Variants in KCNN3 observed in about 807,000 individuals in gnomAD.
KCNN3 encodes small conductance calcium-activated potassium channel protein 3.
A neutral mutation model predicts 62.9 loss-of-function variants in KCNN3; 16 were observed. That is an observed-to-expected ratio of 0.25 (90% confidence interval 0.17 to 0.39). The LOEUF is 0.39. Among genes scored for constraint, KCNN3 ranks in the 10% least tolerant of loss-of-function variants. KCNN3 has a pLI of 1.00. For synonymous variants in KCNN3, 370 were observed against 389.2 expected, an observed-to-expected ratio of 0.95 and a Z score of 0.58; for missense variants, 599 against 949.4, an observed-to-expected ratio of 0.63 and a Z score of 4.85.
chr1:154,711,515 A>T (rs1201727749), intron 7 of KCNN3, among the ~76,000 whole-genome samples: 1 of 152,008 alleles, frequency 6.6e-6, no homozygotes, highest in Non-Finnish European at 1.5e-5. Context: ...TAAAAAAAAA[A>T]AAAAGAAAGT....
intron 5 of KCNN3, among the ~76,000 whole-genome samples, chr1:154,724,705 C>T (rs192719780): frequency 5.0e-4 from 76 of 152,306 alleles, no homozygotes; most frequent in African/African-American, 1.8e-3. Flanking sequence ...ATGGTCTACC[C>T]ATTCCTGCAT....
chr1:154,763,486 C>G (rs1022614335), intron 3 of KCNN3, among the ~76,000 whole-genome samples: 1 of 152,158 alleles, frequency 6.6e-6, no homozygotes, highest in Non-Finnish European at 1.5e-5. Flanking sequence ...AAGTGATCCT[C>G]CCACCTCAGC....
At position 154,772,509 on chromosome 1, in the gene KCNN3, A is replaced by C; in HGVS notation, c.1030-116T>G. ...CTGCTGGGCTCAGGTCAGCCTGACC[A>C]CCTCAGCATGCTCTTTAGGGGCCTT... is the stretch of plus-strand genomic sequence containing the variant. On this transcript the variant is annotated intron_variant, in intron 2 of 7. Coordinates refer to ENST00000271915, the MANE Select transcript of KCNN3 (RefSeq NM_002249.6). The surrounding 1 kb of genome is among the most constrained non-coding windows in gnomAD (Gnocchi z 5.6). The C allele has an allele frequency of 1.1e-6, 1 of 947,912 alleles. No homozygotes were observed. The highest frequency in any genetic ancestry group is 1.7e-6 in the Non-Finnish European group (1 of 597,622). The allele number at this position is 947,912 out of a possible 1,614,324, so 58.7% of individuals were successfully genotyped here. A position where few individuals can be genotyped will look rare whatever the true frequency, so the allele number is the denominator to read the frequency against.
At chr1:154,860,369 C>T (rs1223179143) in intron 1 of KCNN3, among the ~76,000 whole-genome samples, 7 of 152,208 alleles carry the variant, frequency 4.6e-5, no homozygotes, top group African/African-American at 1.7e-4. Context: ...GACCTTCCTC[C>T]AGGCCTCTCA....
chr1:154,721,022 A>G (rs899825216), intron 5 of KCNN3, among the ~76,000 whole-genome samples: 12 of 152,194 alleles, frequency 7.9e-5, no homozygotes, highest in African/African-American at 2.9e-4. Flanking sequence ...ACACCAGGGA[A>G]GTTAGGAGAA....
At chr1:154,729,291 G>A (rs1700540838) in intron 4 of KCNN3, among the ~76,000 whole-genome samples, 1 of 152,132 alleles carries the variant, frequency 6.6e-6, no homozygotes, top group Non-Finnish European at 1.5e-5. Context: ...ACATCAACTG[G>A]AGTCCCTGGA....
intron 1 of KCNN3, among the ~76,000 whole-genome samples, chr1:154,852,596 T>C (rs928522599): frequency 5.3e-5 from 8 of 152,176 alleles, no homozygotes; most frequent in Non-Finnish European, 1.0e-4. Flanking sequence ...CTGATTGAGA[T>C]ATGCTGTGTC....
intron 1 of KCNN3, among the ~76,000 whole-genome samples, chr1:154,848,338 C>A (rs377515092): frequency 2.0e-5 from 3 of 152,270 alleles, no homozygotes; most frequent in South Asian, 2.1e-4. Context: ...AGACCTCCCC[C>A]CATATCTTCC....
chr1:154,716,116 G>A (rs1700229696), intron 5 of KCNN3, among the ~76,000 whole-genome samples: 3 of 152,206 alleles, frequency 2.0e-5, no homozygotes. Context: ...AACATATGAC[G>A]CTGTCATCCA....
chr1:154,825,416 A>G (rs1651065533), intron 1 of KCNN3, among the ~76,000 whole-genome samples: 2 of 137,924 alleles, frequency 1.5e-5, no homozygotes, highest in African/African-American at 2.8e-5. Flanking sequence ...CCCAGACTGG[A>G]GTGCAGTGGC....
chr1:154,768,535 G>A (rs940438529), intron 3 of KCNN3, among the ~76,000 whole-genome samples: 2 of 152,198 alleles, frequency 1.3e-5, no homozygotes, highest in Admixed American at 6.5e-5. Flanking sequence ...AGAGGCCTTA[G>A]GCGATCCCTC....
chr1:154,791,081 T>C (rs1457257239), intron 2 of KCNN3, among the ~76,000 whole-genome samples: 1 of 151,876 alleles, frequency 6.6e-6, no homozygotes, highest in African/African-American at 2.4e-5. Flanking sequence ...ATACAAAAAT[T>C]AGCTGGGCAT....
chr1:154,730,782 G>A (rs1557946340), intron 4 of KCNN3, among the ~76,000 whole-genome samples: 1 of 152,146 alleles, frequency 6.6e-6, no homozygotes, highest in Non-Finnish European at 1.5e-5. Context: ...GCTCCTCATC[G>A]TCCGTTTCTT....
chr1:154,772,205 G>A lies in KCNN3; in HGVS notation c.1218C>T (p.Ile406=), dbSNP rs1648589428. Residue 406 remains isoleucine (I), a synonymous_variant, in exon 3 of 8, where the codon ATC becomes ATT. Coordinates refer to ENST00000271915, the MANE Select transcript of KCNN3 (RefSeq NM_002249.6). This position sits in a 1 kb window ranked among gnomAD's most constrained non-coding sequence, Gnocchi z 5.6. Reference sequence around the variant, plus strand: ...GGCGCAGGAACATGGGGATAGACAGGATGATGTCCACATCGGCCTCCGCCC... The same window carrying A: ...GGCGCAGGAACATGGGGATAGACAGAATGATGTCCACATCGGCCTCCGCCC... ...PSRAEADVDI[I]LSIPMFLRLY... The A allele has an allele frequency of 6.2e-7, 1 of 1,614,132 alleles. No homozygotes were observed. The highest frequency in any genetic ancestry group is 1.3e-5 in the African/African-American group (1 of 74,942).
intron 2 of KCNN3, among the ~76,000 whole-genome samples, chr1:154,817,640 C>T (rs756279288): frequency 6.6e-6 from 1 of 152,226 alleles, no homozygotes; most frequent in Admixed American, 6.5e-5. Flanking sequence ...CAGTAGAGAA[C>T]GTTCCTCAAG....
intron 3 of KCNN3, among the ~76,000 whole-genome samples, chr1:154,736,883 A>G (rs1448827971): frequency 1.3e-5 from 2 of 152,094 alleles, no homozygotes; most frequent in African/African-American, 4.8e-5. Flanking sequence ...TGTGCTGAGG[A>G]GAGGAGTGAA....
chr1:154,738,226 T>G (rs149628963), intron 3 of KCNN3, among the ~76,000 whole-genome samples: 2,260 of 152,152 alleles, frequency 0.015, 26 homozygotes, highest in Non-Finnish European at 0.017. Flanking sequence ...TTAGGGGTTT[T>G]GGGGGAGGGT....
chr1:154,715,399 C>T (rs1700212803), intron 5 of KCNN3, among the ~76,000 whole-genome samples: 1 of 141,860 alleles, frequency 7.0e-6, no homozygotes, highest in East Asian at 2.1e-4. Context: ...TCACGCCATA[C>T]TCCAGCCTTG....
chr1:154,791,366 C>T (rs182516376), intron 2 of KCNN3, among the ~76,000 whole-genome samples: 6 of 150,432 alleles, frequency 4.0e-5, no homozygotes, highest in East Asian at 1.9e-4. Flanking sequence ...TACATTCTTG[C>T]GGCTGGTGCT....
Sources: gnomAD v4.1 joint callset for allele counts (sites outside exome capture counted in the v4.1 genomes callset) on GRCh38, gnomAD v4.1.1 for gene constraint, Gnocchi (gnomAD v3.1) non-coding constraint, MANE v1.5 for transcripts, NCBI Gene and HGNC (gene_info 2026-07-23, HGNC 2026-07-21) for gene names.